KLF12: variants seen among roughly 807,000 people sequenced by gnomAD.
KLF12 encodes the protein KLF transcription factor 12, also known as Krueppel-like factor 12.
KLF12 carries 9 observed loss-of-function variants against 37.8 expected under a neutral mutation model. The observed-to-expected ratio is 0.24, with a 90% CI of 0.14 to 0.42. KLF12 has a LOEUF of 0.42. Among genes scored for constraint, KLF12 ranks in the 10% least tolerant of loss-of-function variants. The pLI is 1.00. For missense variants in KLF12, 411 were observed against 516.0 expected (o/e 0.80, Z 1.97); for synonymous variants, 208 against 202.1 (o/e 1.03, Z -0.25).
chr13:73,998,012 T>C (rs1892167750), intron 1 of KLF12, among the ~76,000 whole-genome samples: 1 of 152,174 alleles, frequency 6.6e-6, no homozygotes. Context: ...CTGCAAGCAA[T>C]AGAGAATGAT....
At position 73,693,111 on chromosome 13, in the gene KLF12, C is replaced by A. The variant is rs1227673834; in HGVS notation, c.*2379G>T. 1 of 151,788 alleles carries A rather than the reference C, an allele frequency of 6.6e-6. No homozygotes were observed. The highest frequency in any genetic ancestry group is 6.6e-5 in the Admixed American group (1 of 15,218). 9.4% of individuals were successfully genotyped at this position (151,788 alleles called of 1,614,324 possible). On this transcript the variant is annotated 3_prime_UTR_variant, in exon 8 of 8. Coordinates refer to ENST00000377669, the MANE Select transcript of KLF12 (RefSeq NM_007249.5). The stretch of plus-strand genomic sequence containing the variant: ...TTATGAGAGCAAGCAGGACTAAATA[C>A]AAATCTACACTTCACTTGAGAGATG...
intron 5 of KLF12, among the ~76,000 whole-genome samples, chr13:73,799,441 T>A (rs996016281): frequency 6.6e-6 from 1 of 152,006 alleles, no homozygotes; most frequent in Non-Finnish European, 1.5e-5. Context: ...TATATATTTT[T>A]AAAAATCAGA....
chr13:73,952,991 T>C (rs1459759260), intron 2 of KLF12, among the ~76,000 whole-genome samples: 1 of 152,094 alleles, frequency 6.6e-6, no homozygotes, highest in Non-Finnish European at 1.5e-5. Context: ...ATGACTGAGA[T>C]GAAGGAAGTG....
the KLF12 span, among the ~76,000 whole-genome samples, chr13:74,178,106 C>A: frequency 6.6e-6 from 1 of 152,158 alleles, no homozygotes; most frequent in Admixed American, 6.5e-5. Context: ...GTTTTCAGTT[C>A]TGCCAGTTTT....
intron 1 of KLF12, among the ~76,000 whole-genome samples, chr13:74,084,101 A>G (rs938074175): frequency 1.3e-5 from 2 of 152,250 alleles, no homozygotes; most frequent in African/African-American, 4.8e-5. Flanking sequence ...GAGGTTCACT[A>G]TTAAAAATAA....
intron 3 of KLF12, among the ~76,000 whole-genome samples, chr13:73,933,906 G>C (rs80318673): frequency 0.08 from 12,109 of 152,138 alleles, 656 homozygotes; most frequent in Non-Finnish European, 0.12. Flanking sequence ...CAACTCAGTA[G>C]TGTTAACTAT....
chr13:74,061,842 G>C (rs1873612650), intron 1 of KLF12, among the ~76,000 whole-genome samples: 1 of 152,160 alleles, frequency 6.6e-6, no homozygotes, highest in Admixed American at 6.5e-5. Flanking sequence ...TTATATGATA[G>C]CTTTCTGAAA....
At chr13:74,275,098 T>C in the KLF12 span, among the ~76,000 whole-genome samples, 1 of 152,084 alleles carries the variant, frequency 6.6e-6, no homozygotes, top group African/African-American at 2.4e-5. Flanking sequence ...GAGAGAGCCA[T>C]GTGAGGATTT....
chr13:73,957,354 G>A (rs140201665), intron 2 of KLF12, among the ~76,000 whole-genome samples: 2,549 of 152,166 alleles, frequency 0.017, 67 homozygotes, highest in African/African-American at 0.058. Context: ...CAAGTGCAAA[G>A]ATCCCAGAAA....
the KLF12 span, among the ~76,000 whole-genome samples, chr13:74,207,092 G>A: frequency 6.6e-6 from 1 of 152,292 alleles, no homozygotes; most frequent in African/African-American, 2.4e-5. Context: ...ATAGTGGAAA[G>A]GCAAAGAGAG....
At chr13:74,121,308 G>A (rs568173955) in intron 1 of KLF12, among the ~76,000 whole-genome samples, 1 of 152,088 alleles carries the variant, frequency 6.6e-6, no homozygotes, top group Non-Finnish European at 1.5e-5. Context: ...TTTTATGGAA[G>A]AAATAGTACC....
chr13:74,271,662 G>T, the KLF12 span, among the ~76,000 whole-genome samples: 1 of 152,102 alleles, frequency 6.6e-6, no homozygotes, highest in East Asian at 1.9e-4. Context: ...ATCAGCTAAA[G>T]ATATATTGAA....
intron 1 of KLF12, among the ~76,000 whole-genome samples, chr13:74,126,843 G>GA (rs1244659312): frequency 6.6e-6 from 1 of 152,146 alleles, no homozygotes; most frequent in African/African-American, 2.4e-5. Context: ...CCAGTTATTT[G>GA]AAAAGTCAAT....
chr13:73,793,141 T>C (rs1881781440), intron 5 of KLF12, among the ~76,000 whole-genome samples: 1 of 152,210 alleles, frequency 6.6e-6, no homozygotes, highest in Non-Finnish European at 1.5e-5. Context: ...GCAACTACCA[T>C]CTCTTGAGGT....
At chr13:74,163,839 G>A in the KLF12 span, among the ~76,000 whole-genome samples, 22 of 149,146 alleles carry the variant, frequency 1.5e-4, no homozygotes, top group African/African-American at 4.2e-4. Context: ...TGTGCACCCC[G>A]TATATATATA....
At chr13:73,718,749 C>G (rs1446982614) in intron 6 of KLF12, among the ~76,000 whole-genome samples, 1 of 152,106 alleles carries the variant, frequency 6.6e-6, no homozygotes. Context: ...CAAAAATTAG[C>G]TGGGCGTGGT....
At chr13:73,872,707 T>TCC (rs34137579) in intron 3 of KLF12, among the ~76,000 whole-genome samples, 1 of 152,222 alleles carries the variant, frequency 6.6e-6, no homozygotes, top group African/African-American at 2.4e-5. Context: ...AACTGATCGG[T>TCC]CCTTGCTCCA....
At chr13:73,791,597 G>C (rs1005911390) in intron 5 of KLF12, among the ~76,000 whole-genome samples, 2 of 152,066 alleles carry the variant, frequency 1.3e-5, no homozygotes, top group African/African-American at 4.8e-5. Flanking sequence ...GCATATCTAG[G>C]TAGTAACATT....
At chr13:74,111,893 C>A (rs900496784) in intron 1 of KLF12, among the ~76,000 whole-genome samples, 5 of 152,122 alleles carry the variant, frequency 3.3e-5, no homozygotes, top group African/African-American at 9.7e-5. Context: ...AAAACTAGAT[C>A]ATTTTTTGGC....
Sources: gnomAD v4.1 joint callset for allele counts (sites outside exome capture counted in the v4.1 genomes callset) on GRCh38, gnomAD v4.1.1 for gene constraint, MANE v1.5 for transcripts, NCBI Gene and HGNC (gene_info 2026-07-23, HGNC 2026-07-21) for gene names.